Variants in ZNF683 observed in about 807,000 individuals in gnomAD.
ZNF683 encodes the protein tissue-resident T-cell transcription regulator protein ZNF683.
A neutral mutation model predicts 31.4 loss-of-function variants in ZNF683; 20 were observed. That is an observed-to-expected ratio of 0.64 (90% CI 0.45 to 0.93). ZNF683 has a LOEUF of 0.93. ZNF683 is among the 40% of genes least tolerant of loss of function. ZNF683 has a pLI of 0.00. For missense variants in ZNF683, 621 were observed against 637.2 expected, an observed-to-expected ratio of 0.97 and a Z score of 0.27; for synonymous variants, 264 against 267.6, an observed-to-expected ratio of 0.99 and a Z score of 0.13.
chr1:26,362,729 A>G (rs12030833), intron 5 of ZNF683, among the ~76,000 whole-genome samples: 34,971 of 152,016 alleles, frequency 0.23, 4,486 homozygotes, highest in East Asian at 0.58. Flanking sequence ...CTACTTGGAT[A>G]CTCTGGGTAC....
chr1:26,372,386 TGAGTCTTGAGG>T, intron 1 of ZNF683: 2 of 980,754 alleles, frequency 2.0e-6, no homozygotes, highest in Non-Finnish European at 2.8e-6. Flanking sequence ...TTCCCCTACA[TGAGTCTTGAGG>T]GAGGCAAAAG....
intron 1 of ZNF683, among the ~76,000 whole-genome samples, chr1:26,372,248 C>T (rs2074686769): frequency 6.6e-6 from 1 of 152,174 alleles, no homozygotes; most frequent in African/African-American, 2.4e-5. Flanking sequence ...AGGGCTGTGA[C>T]TCATCCTCCA....
In ZNF683 at chr1:26,367,660, C is replaced by G; in HGVS notation, c.252G>C (p.Leu84=). 6.2e-7 allele frequency: 1 copy of G among 1,612,736 alleles called. No individual in the cohort carries two copies. The highest frequency in any genetic ancestry group is 8.5e-7 in the Non-Finnish European group (1 of 1,179,724). ...LACLQDLDLN[L]CTPQPAPLGT... ...CCAGGGGTGCCGGCTGTGGGGTGCACAGGTTCAGGTCCAGGTCCTGTAGGC... is the reference window on the plus strand; with the variant it reads ...CCAGGGGTGCCGGCTGTGGGGTGCAGAGGTTCAGGTCCAGGTCCTGTAGGC... The change falls in exon 3 of 6, where the codon CTG becomes CTC. Residue 84 remains leucine, a synonymous_variant. Coordinates refer to ENST00000349618, the MANE Select transcript of ZNF683 (RefSeq NM_001114759.3).
At chr1:26,370,200 G>GC (rs1375292589) in intron 1 of ZNF683, among the ~76,000 whole-genome samples, 1 of 152,026 alleles carries the variant, frequency 6.6e-6, no homozygotes, top group Non-Finnish European at 1.5e-5. Context: ...CCAACCAGAG[G>GC]CCCCCCACCA....
At chr1:26,373,415 GCCA>G (rs1557746742), upstream of ZNF683, 1 of 152,156 alleles carries the variant, frequency 6.6e-6, no homozygotes, top group Non-Finnish European at 1.5e-5. Context: ...AATAAAAAAA[GCCA>G]CTGGTCCTGA....
rs563957817 is a variant in ZNF683 at position 26,367,688 on chromosome 1, G to T, written c.224C>A (p.Ala75Asp). The change falls in exon 3 of 6, where the codon GCC (alanine) becomes GAC (aspartate). Residue 75 changes from alanine (A) to aspartate (D), a missense_variant. Transcript: ENST00000349618. ...GTTCAGGTCCAGGTCCTGTAGGCAG[G>T]CCAGCAGTGCAGACCTGCCCGGTGC... ...PLAPGRSALL[A>D]CLQDLDLNLC... is the part of the protein sequence containing the mutation. 2 of 1,612,800 alleles carry T rather than the reference G, an allele frequency of 1.2e-6. No homozygotes were observed. The highest frequency in any genetic ancestry group is 1.3e-5 in the African/African-American group (1 of 74,984).
intron 2 of ZNF683, 24 bp downstream of exon 2, chr1:26,368,434 G>T: frequency 6.5e-7 from 1 of 1,540,038 alleles, no homozygotes; most frequent in Non-Finnish European, 8.7e-7. Context: ...TACCCACAAA[G>T]GTAAGGCTGG....
rs2074493941 is a variant in ZNF683 at position 26,365,223 on chromosome 1, T to C, written c.323A>G (p.His108Arg). 3 of 1,592,682 alleles carry C rather than the reference T, an allele frequency of 1.9e-6. No individual in the cohort carries two copies. In the East Asian group the frequency reaches 6.8e-5, roughly 36 times the overall value. Reference protein sequence around the residue: ...GLQEDALSMKHEPPGLQASST... With the variant: ...GLQEDALSMKREPPGLQASST... ...GCTGGCCTGCAGCCCTGGTGGCTCG[T>C]GCTCTAAGCAGGAAAAGGAAGGCGG... is the stretch of plus-strand genomic sequence containing the variant. The change falls in exon 4 of 6, where the codon CAC becomes CGC. Residue 108 changes from histidine (H) to arginine (R), a missense_variant. By Grantham distance (29) the His-to-Arg change is conservative. Transcript: ENST00000349618.
chr1:26,374,413 C>A, upstream of ZNF683: 1 of 1,223,514 alleles, frequency 8.2e-7, no homozygotes, highest in South Asian at 1.3e-5. Context: ...GGTCTCCAAT[C>A]CTGAAAGCTC....
chr1:26,369,260 A>G (rs1402305266), intron 1 of ZNF683, among the ~76,000 whole-genome samples: 2 of 151,614 alleles, frequency 1.3e-5, no homozygotes, highest in Admixed American at 1.3e-4. Flanking sequence ...AAAATAAAAT[A>G]AATAAAAAAA....
intron 4 of ZNF683, 97 bp from the exon 5 acceptor site, chr1:26,363,251 C>G (rs138578402): frequency 0.023 from 32,953 of 1,427,016 alleles, 475 homozygotes; most frequent in Middle Eastern, 0.028. Context: ...TCTCCCTCCC[C>G]GTCATCTCCC....
rs750323211 is a variant in ZNF683 at position 26,364,655 on chromosome 1, C to A, written c.891G>T (p.Arg297=). ...ERGGMASPAK[R]VPLSSQTGTA... Reference sequence around the variant, plus strand: ...TGCCTGTCTGGGAACTCAATGGGACCCGCTTTGCTGGAGATGCCATGCCAC... The same window carrying A: ...TGCCTGTCTGGGAACTCAATGGGACACGCTTTGCTGGAGATGCCATGCCAC... Residue 297 remains arginine, a synonymous_variant, in exon 4 of 6, where the codon CGG becomes CGT. Transcript: ENST00000349618. 9 of 1,614,024 alleles carry A rather than the reference C, an allele frequency of 5.6e-6. No homozygotes were observed. In the Admixed American group the frequency reaches 1.5e-4, roughly 27 times the overall value.
chr1:26,362,092 A>G lies in ZNF683; in HGVS notation c.1144-70T>C, dbSNP rs751867939. ...CTCAGGCATTCTACTCCCTCTCCTC[A>G]TCTTGGAAATACCCATGACCCACCT... On this transcript the variant is annotated intron_variant, in intron 5 of 5. Coordinates refer to ENST00000349618, the MANE Select transcript of ZNF683 (RefSeq NM_001114759.3). The G allele has an allele frequency of 3.6e-5, 58 of 1,613,358 alleles. 2 individuals are homozygous for G. The South Asian group carries it at 5.4e-4, about 15-fold the overall frequency.
Position 26,363,362 on chromosome 1 carries a change from T to A in ZNF683, c.1015-208A>T, listed in dbSNP as rs1049040204. On this transcript the variant is annotated intron_variant, in intron 4 of 5. Coordinates refer to ENST00000349618, the MANE Select transcript of ZNF683 (RefSeq NM_001114759.3). ...GGGGTAAGAGGTACCCCAGGTATATTGTGGAACACTGCTATTCAAAATGTG... is the reference window on the plus strand; with the variant it reads ...GGGGTAAGAGGTACCCCAGGTATATAGTGGAACACTGCTATTCAAAATGTG... Among the ~76,000 whole-genome samples, 7 of 152,290 alleles carry A rather than the reference T, an allele frequency of 4.6e-5. No homozygotes were observed. In the East Asian group the frequency reaches 9.6e-4, roughly 21 times the overall value.
At chr1:26,362,176 C>G (rs867093023) in intron 5 of ZNF683, 154 bp from the exon 6 acceptor site, 1 of 1,589,470 alleles carries the variant, frequency 6.3e-7, no homozygotes. Flanking sequence ...CCCACGGTAT[C>G]TAGCACATTA....
At chr1:26,374,496 C>T (rs2074723387), upstream of ZNF683, 10 of 1,156,686 alleles carry the variant, frequency 8.6e-6, no homozygotes, top group South Asian at 1.5e-4. Flanking sequence ...GTGGAGAAGC[C>T]TCTGCCTGCC....
intron 1 of ZNF683, chr1:26,372,351 T>C: frequency 1.6e-6 from 1 of 623,484 alleles, no homozygotes; most frequent in South Asian, 1.8e-5. Flanking sequence ...GTCAGGTTTT[T>C]TTGGACGCCC....
At position 26,368,492 on chromosome 1, in the gene ZNF683, G is replaced by T. The variant is rs1433194385; in HGVS notation, c.80C>A (p.Pro27His). Reference protein sequence around the residue: ...ALGGTGGSLSPSLDFQLFRGD... With the variant: ...ALGGTGGSLSHSLDFQLFRGD... ...TCGGAAGAGCTGGAAGTCCAGGCTG[G>T]GGGACAGGGAGCCCCCTGTACCTCC... The change falls in exon 2 of 6, where the codon CCC becomes CAC. Residue 27 changes from proline (P) to histidine (H), a missense_variant. Pro to His is a moderately conservative substitution (Grantham distance 77). Coordinates refer to ENST00000349618, the MANE Select transcript of ZNF683 (RefSeq NM_001114759.3). 6.2e-7 allele frequency: 1 copy of T among 1,600,112 alleles called. No homozygotes were observed. Among genetic ancestry groups the T allele is most frequent in the Non-Finnish European group, 8.5e-7 (1 of 1,173,600 alleles).
intron 4 of ZNF683, 81 bp downstream of exon 4, chr1:26,364,451 C>T (rs2124134864): frequency 6.5e-7 from 1 of 1,526,746 alleles, no homozygotes; most frequent in Non-Finnish European, 9.0e-7. Flanking sequence ...CTTTGAGGTC[C>T]TTGCTTCTAG....
Sources: allele counts gnomAD v4.1 joint callset (sites outside exome capture counted in the v4.1 genomes callset), GRCh38; gene constraint gnomAD v4.1.1; transcripts MANE v1.5; gene names NCBI Gene and HGNC (gene_info 2026-07-23, HGNC 2026-07-21).